OPCML: variants seen among roughly 807,000 people sequenced by gnomAD.
OPCML encodes opioid binding protein/cell adhesion molecule like.
Under a neutral mutation model 37.8 loss-of-function variants are expected in OPCML, and 13 were observed. The ratio of observed to expected loss-of-function variants is 0.34; its 90% CI spans 0.22 to 0.55. The LOEUF is 0.55. Ranked by LOEUF, OPCML falls within the 20% of genes least tolerant of loss-of-function variation. The probability of loss-of-function intolerance (pLI) is 0.91; values close to 1 mark genes in which losing one functional copy is unlikely to be tolerated. For synonymous variants in OPCML, 176 were observed against 168.8 expected, an observed-to-expected ratio of 1.04 and a Z score of -0.33; for missense variants, 341 against 435.6, an observed-to-expected ratio of 0.78 and a Z score of 1.93.
In OPCML at chr11:132,477,908, A is replaced by T. The variant is rs561230094; in HGVS notation, c.506-40549T>A. The stretch of plus-strand genomic sequence containing the variant: ...TGATTTACAGATGAAGACCCTTTGA[A>T]AACATATCTAAAAGGGAAATACTTT... On this transcript the variant is annotated intron_variant, in intron 4 of 7. Coordinates refer to ENST00000524381, the MANE Select transcript of OPCML (RefSeq NM_001012393.5). Among the ~76,000 whole-genome samples, 6 of 152,348 alleles carry T rather than the reference A, an allele frequency of 3.9e-5. No individual in the cohort carries two copies. In the South Asian group the frequency reaches 1.2e-3, roughly 32 times the overall value.
chr11:133,148,472 C>T (rs1294752919), intron 1 of OPCML, among the ~76,000 whole-genome samples: 5 of 152,208 alleles, frequency 3.3e-5, no homozygotes, highest in Admixed American at 6.5e-5. Flanking sequence ...AGGGAAGTAT[C>T]GCTGGCTGTT....
At chr11:132,504,164 G>T (rs2096251429) in intron 4 of OPCML, among the ~76,000 whole-genome samples, 1 of 152,108 alleles carries the variant, frequency 6.6e-6, no homozygotes, top group Admixed American at 6.5e-5. Context: ...TAATAAGGAA[G>T]ATAGACTTGA....
chr11:133,271,456 A>G (rs1301558609), intron 1 of OPCML, among the ~76,000 whole-genome samples: 1 of 152,242 alleles, frequency 6.6e-6, no homozygotes, highest in Non-Finnish European at 1.5e-5. Context: ...CAACAATTTC[A>G]GTAGAATTAA....
intron 1 of OPCML, among the ~76,000 whole-genome samples, chr11:133,408,231 C>T (rs1167692836): frequency 6.6e-6 from 1 of 152,056 alleles, no homozygotes; most frequent in African/African-American, 2.4e-5. Flanking sequence ...TGAGCATATA[C>T]ATTTAAGAAA....
chr11:132,782,917 G>GTATA (rs59984496), intron 2 of OPCML, among the ~76,000 whole-genome samples: 17,224 of 124,534 alleles, frequency 0.14, 1,126 homozygotes, highest in Non-Finnish European at 0.19. Flanking sequence ...TATAGTGTGT[G>GTATA]TATATATATA....
chr11:132,992,147 A>C (rs1396778118), intron 1 of OPCML, among the ~76,000 whole-genome samples: 3 of 152,184 alleles, frequency 2.0e-5, no homozygotes, highest in African/African-American at 7.2e-5. Context: ...AGATAGAAGC[A>C]GAGTTATATA....
chr11:132,963,808 A>G (rs1946149728), intron 1 of OPCML, among the ~76,000 whole-genome samples: 1 of 152,044 alleles, frequency 6.6e-6, no homozygotes, highest in Non-Finnish European at 1.5e-5. Flanking sequence ...TTATTATTCT[A>G]CATTCGAACA....
chr11:132,633,520 G>A lies in OPCML; in HGVS notation c.379+23567C>T, dbSNP rs115469389. Reference sequence around the variant, plus strand: ...ATCCCAATCCTGAGCCTCAGGATTCGACCCCACTCCCCCAGTCACAGGAAG... The same window carrying A: ...ATCCCAATCCTGAGCCTCAGGATTCAACCCCACTCCCCCAGTCACAGGAAG... On this transcript the variant is annotated intron_variant, in intron 3 of 7. Coordinates refer to ENST00000524381, the MANE Select transcript of OPCML (RefSeq NM_001012393.5). Among the ~76,000 whole-genome samples, 1,486 of 152,204 alleles carry A rather than the reference G, an allele frequency of 9.8e-3. 22 individuals are homozygous for A. Among genetic ancestry groups the A allele is most frequent in the African/African-American group, 0.034 (1,404 of 41,536 alleles).
intron 1 of OPCML, among the ~76,000 whole-genome samples, chr11:133,400,500 A>G (rs1945379169): frequency 6.6e-6 from 1 of 152,190 alleles, no homozygotes; most frequent in Admixed American, 6.5e-5. Context: ...CCCAGAAATG[A>G]TTTCATTTGT....
chr11:132,687,422 A>G (rs1235482882), intron 2 of OPCML, among the ~76,000 whole-genome samples: 2 of 71,428 alleles, frequency 2.8e-5, no homozygotes, highest in African/African-American at 5.8e-5. Flanking sequence ...ATATATATAT[A>G]TATATATTTA....
At chr11:133,525,161 G>A (rs146245635) in intron 1 of OPCML, among the ~76,000 whole-genome samples, 56 of 152,306 alleles carry the variant, frequency 3.7e-4, no homozygotes, top group African/African-American at 1.1e-3. Context: ...GTCTGGTTCC[G>A]AGGACTTGCA....
chr11:133,100,024 A>G (rs1401546210), intron 1 of OPCML, among the ~76,000 whole-genome samples: 1 of 152,208 alleles, frequency 6.6e-6, no homozygotes, highest in Non-Finnish European at 1.5e-5. Context: ...TTGTAGCAAC[A>G]TAGCTGCAGC....
intron 1 of OPCML, among the ~76,000 whole-genome samples, chr11:132,986,696 T>C (rs1328648396): frequency 6.6e-6 from 1 of 152,194 alleles, no homozygotes; most frequent in East Asian, 1.9e-4. Context: ...TAGAAAGATT[T>C]TCTTCTTTTA....
At chr11:133,241,352 A>T (rs1025927847) in intron 1 of OPCML, among the ~76,000 whole-genome samples, 1 of 152,250 alleles carries the variant, frequency 6.6e-6, no homozygotes. Context: ...CATGTACAAA[A>T]ATAAATAAAT....
rs200678808 is a variant in OPCML at position 132,865,974 on chromosome 11, C to CT, written c.146+76951dup. Among the ~76,000 whole-genome samples, 1,179 of 151,990 alleles carry CT rather than the reference C, an allele frequency of 7.8e-3. 23 individuals carry two copies. The highest frequency in any genetic ancestry group is 0.026 in the African/African-American group (1,075 of 41,440). On this transcript the variant is annotated intron_variant, in intron 2 of 7. Coordinates refer to ENST00000524381, the MANE Select transcript of OPCML (RefSeq NM_001012393.5). ...GTTTATTCCTGGTGGTCAGCTGACA[C>CT]TTTGTCATATTTCACTTCATCTGTG...
rs548455861 is a variant in OPCML at position 132,580,772 on chromosome 11, G to T, written c.380-51586C>A. On this transcript the variant is annotated intron_variant, in intron 3 of 7. Transcript: ENST00000524381. ...ACCTCCCTTTACTCACTTCTCAGTG[G>T]CTTAAGAGTTAAACATGGTCCTTGT... 4.7e-4 allele frequency among the ~76,000 whole-genome samples: 71 copies of T among 152,236 alleles called. 1 individual carries two copies. Among genetic ancestry groups the T allele is most frequent in the African/African-American group, 1.6e-3 (67 of 41,546 alleles).
rs2095946311 is a variant in OPCML at position 132,418,491 on chromosome 11, G to A, written c.*1702C>T. Reference sequence around the variant, plus strand: ...CATTGGAGAAGCAGCTGCATCAGAGGAAACTGTGTCACTGACACTTTCTCC... The same window carrying A: ...CATTGGAGAAGCAGCTGCATCAGAGAAAACTGTGTCACTGACACTTTCTCC... On this transcript the variant is annotated 3_prime_UTR_variant, in exon 8 of 8. Coordinates refer to ENST00000524381, the MANE Select transcript of OPCML (RefSeq NM_001012393.5). 1 of 152,664 alleles carries A rather than the reference G, an allele frequency of 6.6e-6. No individual in the cohort carries two copies. Among genetic ancestry groups the A allele is most frequent in the African/African-American group, 2.4e-5 (1 of 41,442 alleles). 9.5% of individuals were successfully genotyped at this position (152,664 alleles called of 1,614,324 possible).
chr11:132,557,504 T>A lies in OPCML; in HGVS notation c.380-28318A>T, dbSNP rs186114905. On this transcript the variant is annotated intron_variant, in intron 3 of 7. Transcript: ENST00000524381. ...TGAGGATGCCTGGGCTACCATGATA[T>A]CTTTAGTGGGCTGTCCAATGAAGGG... is the stretch of plus-strand genomic sequence containing the variant. Among the ~76,000 whole-genome samples the A allele has an allele frequency of 1.1e-3, 163 of 152,282 alleles. 1 individual carries two copies. The highest frequency in any genetic ancestry group is 2.1e-3 in the Non-Finnish European group (145 of 68,026).
chr11:133,366,432 C>G (rs1944541356), intron 1 of OPCML, among the ~76,000 whole-genome samples: 1 of 152,122 alleles, frequency 6.6e-6, no homozygotes, highest in Admixed American at 6.5e-5. Flanking sequence ...CACCCCTTCC[C>G]TATGGGGAAG....
Sources: gnomAD v4.1 joint callset for allele counts (sites outside exome capture counted in the v4.1 genomes callset) on GRCh38, gnomAD v4.1.1 for gene constraint, MANE v1.5 for transcripts, NCBI Gene and HGNC (gene_info 2026-07-23, HGNC 2026-07-21) for gene names.